Variants in PALM2AKAP2 observed in about 807,000 individuals in gnomAD.
PALM2AKAP2 encodes the protein PALM2-AKAP2 fusion protein.
PALM2AKAP2 carries 37 observed loss-of-function variants against 71.5 expected under a neutral mutation model. That is an observed-to-expected ratio of 0.52 (90% CI 0.40 to 0.68). PALM2AKAP2 has a LOEUF of 0.68. Ranked by LOEUF, PALM2AKAP2 falls within the 30% of genes least tolerant of loss-of-function variation. PALM2AKAP2 has a pLI of 0.00. For synonymous variants in PALM2AKAP2, 468 were observed against 478.8 expected (o/e 0.98, Z 0.29); for missense variants, 1,224 against 1,191.8 (o/e 1.03, Z -0.40).
chr9:110,166,659 A>C (rs1411891352), intron 3 of PALM2AKAP2, among the ~76,000 whole-genome samples: 1 of 152,216 alleles, frequency 6.6e-6, no homozygotes, highest in Admixed American at 6.5e-5. Context: ...TTGTGTGCTT[A>C]ACAATGCATC....
intron 2 of PALM2AKAP2, among the ~76,000 whole-genome samples, chr9:110,151,226 C>T (rs1836306380): frequency 6.6e-6 from 1 of 152,048 alleles, no homozygotes; most frequent in Admixed American, 6.6e-5. Context: ...TATTCATTTA[C>T]TTACTTTTAA....
chr9:109,751,793 A>G (rs1032517151), intron 1 of PALM2AKAP2, among the ~76,000 whole-genome samples: 3 of 152,170 alleles, frequency 2.0e-5, no homozygotes, highest in Admixed American at 6.6e-5. Context: ...AGCTGAATCC[A>G]TCACCGAGTA....
intron 6 of PALM2AKAP2, among the ~76,000 whole-genome samples, chr9:109,938,724 T>C (rs1831287779): frequency 6.6e-6 from 1 of 152,188 alleles, no homozygotes; most frequent in Non-Finnish European, 1.5e-5. Flanking sequence ...CTATTTCTCC[T>C]GAAGGATATT....
intron 1 of PALM2AKAP2, among the ~76,000 whole-genome samples, chr9:109,747,818 C>T (rs1564133154): frequency 6.6e-6 from 1 of 152,028 alleles, no homozygotes; most frequent in Non-Finnish European, 1.5e-5. Flanking sequence ...TACAGGTGCT[C>T]ACCACCAGGC....
intron 1 of PALM2AKAP2, among the ~76,000 whole-genome samples, chr9:110,050,776 C>T (rs1419658899): frequency 1.3e-5 from 2 of 152,100 alleles, no homozygotes; most frequent in African/African-American, 2.4e-5. Context: ...TACAGGCACC[C>T]ACCACCACAC....
intron 7 of PALM2AKAP2, among the ~76,000 whole-genome samples, chr9:110,030,742 A>T (rs767828515): frequency 1.5e-4 from 23 of 152,170 alleles, no homozygotes; most frequent in Non-Finnish European, 2.8e-4. Context: ...ATTGTAGTGA[A>T]AACTTAGTAG....
At chr9:109,963,335 G>T (rs1412373592) in intron 6 of PALM2AKAP2, among the ~76,000 whole-genome samples, 1 of 152,184 alleles carries the variant, frequency 6.6e-6, no homozygotes, top group Non-Finnish European at 1.5e-5. Context: ...AAAGTTCAAG[G>T]TCAAGCCCAT....
intron 1 of PALM2AKAP2, among the ~76,000 whole-genome samples, chr9:109,713,014 G>C (rs181296525): frequency 8.4e-4 from 128 of 152,286 alleles, no homozygotes; most frequent in African/African-American, 2.9e-3. Context: ...GGAGATATTG[G>C]GTTTGACTCT....
chr9:109,872,177 C>T (rs117021944), intron 2 of PALM2AKAP2, among the ~76,000 whole-genome samples: 114 of 152,204 alleles, frequency 7.5e-4, no homozygotes, highest in Non-Finnish European at 1.3e-3. Context: ...TTTCATAAGA[C>T]AAGAACTATC....
intron 6 of PALM2AKAP2, among the ~76,000 whole-genome samples, chr9:109,985,630 A>AT (rs1420149014): frequency 6.6e-6 from 1 of 150,736 alleles, no homozygotes; most frequent in Non-Finnish European, 1.5e-5. Flanking sequence ...AAAAAAAAAA[A>AT]AAACTGTCTT....
At chr9:109,766,198 G>T (rs1829151055) in intron 1 of PALM2AKAP2, among the ~76,000 whole-genome samples, 1 of 152,180 alleles carries the variant, frequency 6.6e-6, no homozygotes, top group African/African-American at 2.4e-5. Context: ...TCAACGTTTT[G>T]CCCATAAAAG....
chr9:109,758,234 A>G (rs1160884257), intron 1 of PALM2AKAP2, among the ~76,000 whole-genome samples: 1 of 152,150 alleles, frequency 6.6e-6, no homozygotes, highest in Non-Finnish European at 1.5e-5. Context: ...GTTGTGTACT[A>G]TTGTATGATA....
intron 1 of PALM2AKAP2, among the ~76,000 whole-genome samples, chr9:109,845,579 GGAGGCT>G (rs1828832376): frequency 6.6e-6 from 1 of 152,164 alleles, no homozygotes; most frequent in South Asian, 2.1e-4. Flanking sequence ...ACTCAATCCA[GGAGGCT>G]ACAGAAATGA....
At chr9:109,657,452 T>TTGTGTGTGTGTGTG (rs3062680) in intron 1 of PALM2AKAP2, among the ~76,000 whole-genome samples, 4,256 of 147,134 alleles carry the variant, frequency 0.029, 83 homozygotes, top group African/African-American at 0.052. Flanking sequence ...AATATGGTAT[T>TTGTGTGTGTGTGTG]TGTGTGTGTG....
chr9:109,832,320 C>T (rs868442021), intron 1 of PALM2AKAP2, among the ~76,000 whole-genome samples: 21 of 152,218 alleles, frequency 1.4e-4, no homozygotes, highest in African/African-American at 4.8e-4. Context: ...TGTTTCTAAG[C>T]CTCAGTTTCA....
intron 6 of PALM2AKAP2, 92 bp from the exon 7 acceptor site, chr9:110,015,862 G>A: frequency 2.5e-6 from 3 of 1,187,454 alleles, no homozygotes; most frequent in East Asian, 2.5e-5. Context: ...CCCTTTACAA[G>A]TCACATGGGA....
intron 1 of PALM2AKAP2, among the ~76,000 whole-genome samples, chr9:109,724,780 G>C (rs762317742): frequency 6.6e-6 from 1 of 152,122 alleles, no homozygotes; most frequent in African/African-American, 2.4e-5. Flanking sequence ...TGACATCCAG[G>C]CTGTCTGACT....
In PALM2AKAP2 at chr9:110,035,538, A is replaced by G. The variant is rs553260345; in HGVS notation, c.582+19499A>G. Among the ~76,000 whole-genome samples, 438 of 144,834 alleles carry G rather than the reference A, an allele frequency of 3.0e-3. 4 individuals are homozygous for G. The highest frequency in any genetic ancestry group is 0.01 in the African/African-American group (411 of 39,630). ...GTGTTATATATAACATATATAGGAT[A>G]TGTTGTGTGTTATATATAACATATA... On this transcript the variant is annotated intron_variant, in intron 7 of 9. Coordinates refer to the PALM2AKAP2 transcript ENST00000302798.
At chr9:109,760,410 G>A (rs775193422) in intron 1 of PALM2AKAP2, 36 of 152,112 alleles carry the variant, frequency 2.4e-4, no homozygotes, top group Non-Finnish European at 3.2e-4. Flanking sequence ...TATAGAGCAC[G>A]TCCAACGTCT....
Sources: allele counts gnomAD v4.1 joint callset (sites outside exome capture counted in the v4.1 genomes callset), GRCh38; gene constraint gnomAD v4.1.1; transcripts MANE v1.5; gene names NCBI Gene and HGNC (gene_info 2026-07-23, HGNC 2026-07-21).